LOC400499: variants seen among roughly 807,000 people sequenced by gnomAD.
the LOC400499 span, among the ~76,000 whole-genome samples, chr16:11,523,827 C>T: frequency 6.6e-6 from 1 of 151,862 alleles, no homozygotes; most frequent in Non-Finnish European, 1.5e-5. Flanking sequence ...TCCCATCCAT[C>T]AATCCATCTA....
the LOC400499 span, chr16:11,411,447 T>A: frequency 2.5e-6 from 1 of 397,388 alleles, no homozygotes; most frequent in East Asian, 3.6e-5. Flanking sequence ...CAGGATCACA[T>A]CAGTGGCCCA....
At chr16:11,458,698 A>C in the LOC400499 span, among the ~76,000 whole-genome samples, 1 of 152,136 alleles carries the variant, frequency 6.6e-6, no homozygotes. Flanking sequence ...TGGTTGCACA[A>C]GAATGTAAAT....
At chr16:11,501,165 C>T in the LOC400499 span, among the ~76,000 whole-genome samples, 2 of 152,230 alleles carry the variant, frequency 1.3e-5, no homozygotes, top group Non-Finnish European at 2.9e-5. Flanking sequence ...GCACCCAGCC[C>T]AGACCCCGGC....
chr16:11,388,084 AG>A, the LOC400499 span, among the ~76,000 whole-genome samples: 2 of 152,174 alleles, frequency 1.3e-5, no homozygotes, highest in Non-Finnish European at 2.9e-5. Context: ...TTGATGGGCC[AG>A]TAGAGAGGGA....
the LOC400499 span, chr16:11,460,636 T>A: frequency 6.7e-7 from 1 of 1,501,806 alleles, no homozygotes; most frequent in East Asian, 2.5e-5. Context: ...CAGAGACCCC[T>A]GCCCTCCTCT....
the LOC400499 span, chr16:11,462,334 C>T: frequency 1.8e-5 from 26 of 1,439,014 alleles, no homozygotes; most frequent in African/African-American, 1.9e-4. Flanking sequence ...CCTGGGAGGA[C>T]AGGCTTGGCC....
the LOC400499 span, among the ~76,000 whole-genome samples, chr16:11,431,459 A>G: frequency 6.6e-6 from 1 of 152,070 alleles, no homozygotes; most frequent in South Asian, 2.1e-4. Flanking sequence ...AGGCTGGAGT[A>G]CAGTGGCACA....
chr16:11,436,129 G>A, the LOC400499 span, among the ~76,000 whole-genome samples: 1 of 152,312 alleles, frequency 6.6e-6, no homozygotes, highest in East Asian at 1.9e-4. Context: ...TGAAATGGGA[G>A]TTCTTACTGT....
At chr16:11,477,778 G>A in the LOC400499 span, 2 of 398,344 alleles carry the variant, frequency 5.0e-6, no homozygotes, top group Non-Finnish European at 8.9e-6. Flanking sequence ...GTAGGGATGG[G>A]ATCCCACCAC....
chr16:11,497,740 G>T, the LOC400499 span, among the ~76,000 whole-genome samples: 1 of 152,134 alleles, frequency 6.6e-6, no homozygotes, highest in South Asian at 2.1e-4. Context: ...GCTGCCCGGG[G>T]GATGAACCCA....
chr16:11,399,114 C>A, the LOC400499 span: 1 of 620,434 alleles, frequency 1.6e-6, no homozygotes, highest in Non-Finnish European at 2.0e-6. Flanking sequence ...CATGAGGAGC[C>A]CTATCAGGTA....
At chr16:11,501,514 G>C in the LOC400499 span, among the ~76,000 whole-genome samples, 61 of 152,180 alleles carry the variant, frequency 4.0e-4, no homozygotes, top group Middle Eastern at 6.8e-3. Context: ...TCGCTACCAA[G>C]TCGAGCTAAC....
At chr16:11,387,187 G>C in the LOC400499 span, 1 of 1,232,282 alleles carries the variant, frequency 8.1e-7, no homozygotes, top group Non-Finnish European at 1.0e-6. Flanking sequence ...ACAGCTCTCG[G>C]AGCGGCCGCA....
At chr16:11,373,975 T>G in the LOC400499 span, among the ~76,000 whole-genome samples, 1 of 152,194 alleles carries the variant, frequency 6.6e-6, no homozygotes, top group East Asian at 1.9e-4. Context: ...ATATGGGGTT[T>G]AGGTGGCCTT....
the LOC400499 span, chr16:11,385,277 G>C: frequency 8.1e-7 from 1 of 1,232,318 alleles, no homozygotes; most frequent in Non-Finnish European, 1.0e-6. Flanking sequence ...TGAGCCCCGA[G>C]CCTGTCCGAC....
chr16:11,466,927 G>GTC, the LOC400499 span, among the ~76,000 whole-genome samples: 23 of 149,950 alleles, frequency 1.5e-4, no homozygotes, highest in African/African-American at 5.6e-4. Context: ...TGTATTGTGT[G>GTC]TGTGTGTGTG....
the LOC400499 span, chr16:11,462,189 G>A: frequency 7.3e-5 from 112 of 1,534,662 alleles, no homozygotes; most frequent in Non-Finnish European, 9.2e-5. Context: ...CCCACCTGCC[G>A]TGTGAGGTTC....
the LOC400499 span, among the ~76,000 whole-genome samples, chr16:11,489,458 T>C: frequency 2.4e-3 from 365 of 152,210 alleles, 1 homozygote; most frequent in African/African-American, 8.1e-3. Flanking sequence ...TGAAGGTCCC[T>C]GGAGGGATAA....
chr16:11,485,006 C>T, the LOC400499 span: 7 of 398,950 alleles, frequency 1.8e-5, no homozygotes, highest in East Asian at 1.1e-4. Context: ...GTCTTCCTGA[C>T]CCCAGAATGA....
Sources: gnomAD v4.1 joint callset for allele counts (sites outside exome capture counted in the v4.1 genomes callset) on GRCh38, gnomAD v4.1.1 for gene constraint, MANE v1.5 for transcripts.